Variants in TENM3 observed in about 807,000 individuals in gnomAD.
The protein encoded by TENM3 is teneurin transmembrane protein 3.
TENM3 carries 63 observed loss-of-function variants against 255.1 expected under a neutral mutation model. The observed-to-expected ratio is 0.25, with a 90% confidence interval of 0.20 to 0.30. TENM3 has a LOEUF of 0.30. TENM3 is among the 10% of genes least tolerant of loss of function. The probability of loss-of-function intolerance (pLI) is 1.00; values close to 1 mark genes in which losing one functional copy is unlikely to be tolerated. For synonymous variants in TENM3, 1,306 were observed against 1,322.3 expected (o/e 0.99, Z 0.27); for missense variants, 2,929 against 3,461.1 (o/e 0.85, Z 3.86).
At chr4:181,534,816 G>A in the TENM3 span, among the ~76,000 whole-genome samples, 1 of 152,132 alleles carries the variant, frequency 6.6e-6, no homozygotes, top group African/African-American at 2.4e-5. Context: ...TGATATCTTA[G>A]GCAGGTCCCA....
At chr4:182,328,039 A>G (rs1302723764) in intron 2 of TENM3, among the ~76,000 whole-genome samples, 2 of 152,196 alleles carry the variant, frequency 1.3e-5, no homozygotes, top group African/African-American at 4.8e-5. Context: ...GTAAGAATAC[A>G]TTTGTTCCAC....
chr4:182,120,091 G>GCA, the TENM3 span, among the ~76,000 whole-genome samples: 274 of 58,424 alleles, frequency 4.7e-3, no homozygotes, highest in Middle Eastern at 0.014. Flanking sequence ...ATGCGTGCGT[G>GCA]CGCGCACACA....
At chr4:182,162,478 A>T (rs554317796) in intron 1 of TENM3, among the ~76,000 whole-genome samples, 3 of 152,292 alleles carry the variant, frequency 2.0e-5, no homozygotes, top group African/African-American at 7.2e-5. Flanking sequence ...TCGGAACTCA[A>T]GGAAGAGAGA....
Position 182,511,169 on chromosome 4 carries a change from G to T in TENM3, c.512-89755G>T, listed in dbSNP as rs576063715. Among the ~76,000 whole-genome samples the T allele has an allele frequency of 1.1e-4, 16 of 152,260 alleles. No homozygotes were observed. The South Asian group carries it at 3.3e-3, about 32-fold the overall frequency. On this transcript the variant is annotated intron_variant, in intron 3 of 27. Coordinates refer to ENST00000511685, the MANE Select transcript of TENM3 (RefSeq NM_001080477.4). The stretch of plus-strand genomic sequence containing the variant: ...TTTTTGCCCCTTACCCAGGAGTTTT[G>T]TGTCACCATTTATGACAGCAGGAGG...
chr4:182,732,910 C>T (rs1342489657), intron 16 of TENM3, among the ~76,000 whole-genome samples: 1 of 152,166 alleles, frequency 6.6e-6, no homozygotes, highest in Non-Finnish European at 1.5e-5. Flanking sequence ...TAGCACATAG[C>T]AGCTTTGTCA....
chr4:182,796,812 T>C lies in TENM3; in HGVS notation c.7344+45T>C, dbSNP rs199998255. On this transcript the variant is annotated intron_variant, in intron 27 of 27. Coordinates refer to ENST00000511685, the MANE Select transcript of TENM3 (RefSeq NM_001080477.4). The stretch of plus-strand genomic sequence containing the variant: ...ACGGAAAGGTGATAAGTAGCTTGTG[T>C]CTTATCTACCCATATCTAATCAAAC... The C allele has an allele frequency of 2.7e-6, 4 of 1,506,618 alleles. No homozygotes were observed. In the African/African-American group the frequency reaches 4.1e-5, roughly 16 times the overall value. 93.3% of individuals were successfully genotyped at this position (1,506,618 alleles called of 1,614,324 possible).
chr4:181,902,027 T>A, the TENM3 span, among the ~76,000 whole-genome samples: 1 of 152,124 alleles, frequency 6.6e-6, no homozygotes, highest in East Asian at 1.9e-4. Context: ...TAGAGCCATA[T>A]GATACCAGAC....
At chr4:181,787,099 A>C in the TENM3 span, among the ~76,000 whole-genome samples, 1 of 152,150 alleles carries the variant, frequency 6.6e-6, no homozygotes, top group Non-Finnish European at 1.5e-5. Context: ...TTTTAAGAAA[A>C]ACCTTAATAA....
chr4:181,926,411 G>C, the TENM3 span, among the ~76,000 whole-genome samples: 1 of 152,148 alleles, frequency 6.6e-6, no homozygotes, highest in Non-Finnish European at 1.5e-5. Context: ...ATGTGTGGTA[G>C]GGTGGGGATA....
chr4:182,166,340 A>G (rs1174046455), intron 1 of TENM3, among the ~76,000 whole-genome samples: 1 of 152,190 alleles, frequency 6.6e-6, no homozygotes, highest in South Asian at 2.1e-4. Context: ...TTGAGGGAAG[A>G]GCAGGGAGGA....
intron 1 of TENM3, among the ~76,000 whole-genome samples, chr4:182,299,812 A>G (rs1311231577): frequency 6.6e-6 from 1 of 152,000 alleles, no homozygotes; most frequent in Non-Finnish European, 1.5e-5. Flanking sequence ...TCCAGGCCCC[A>G]GTGTGCTATT....
the TENM3 span, among the ~76,000 whole-genome samples, chr4:181,965,520 G>A: frequency 2.0e-5 from 3 of 152,110 alleles, no homozygotes; most frequent in Admixed American, 2.0e-4. Context: ...AGATGAGGAT[G>A]CTTATTTATG....
chr4:181,755,717 C>G, the TENM3 span, among the ~76,000 whole-genome samples: 3 of 152,004 alleles, frequency 2.0e-5, no homozygotes, highest in African/African-American at 4.8e-5. Context: ...TCACTTTATC[C>G]TTAGTAATGC....
the TENM3 span, among the ~76,000 whole-genome samples, chr4:182,123,673 A>T: frequency 6.6e-6 from 1 of 152,232 alleles, no homozygotes; most frequent in Admixed American, 6.5e-5. Flanking sequence ...GGTCACCATA[A>T]CAGATGTAAT....
At chr4:182,171,495 A>G (rs1244018375) in intron 1 of TENM3, among the ~76,000 whole-genome samples, 2 of 151,984 alleles carry the variant, frequency 1.3e-5, no homozygotes, top group Non-Finnish European at 2.9e-5. Context: ...ACAGGGTCTC[A>G]CTCTGTTGCC....
the TENM3 span, among the ~76,000 whole-genome samples, chr4:181,896,058 G>C: frequency 6.6e-6 from 1 of 152,128 alleles, no homozygotes; most frequent in Admixed American, 6.5e-5. Flanking sequence ...TAAAATGTAA[G>C]CACTCTGTTT....
the TENM3 span, among the ~76,000 whole-genome samples, chr4:181,924,654 A>G: frequency 6.6e-6 from 1 of 152,182 alleles, no homozygotes; most frequent in African/African-American, 2.4e-5. Flanking sequence ...TACTTTTTTT[A>G]CATATTCATC....
the TENM3 span, chr4:181,975,135 C>CTT: frequency 8.3e-3 from 991 of 119,262 alleles, 23 homozygotes; most frequent in South Asian, 0.021. Context: ...TGGAGTAGCT[C>CTT]TTTTTTTTTT....
At chr4:181,943,589 A>C in the TENM3 span, among the ~76,000 whole-genome samples, 1 of 152,130 alleles carries the variant, frequency 6.6e-6, no homozygotes, top group African/African-American at 2.4e-5. Flanking sequence ...AATTAAATTC[A>C]CTTATTTAAT....
Sources: gnomAD v4.1 joint callset for allele counts (sites outside exome capture counted in the v4.1 genomes callset) on GRCh38, gnomAD v4.1.1 for gene constraint, MANE v1.5 for transcripts, NCBI Gene and HGNC (gene_info 2026-07-23, HGNC 2026-07-21) for gene names.